Variants in ELOVL2 observed in about 807,000 individuals in gnomAD.
ELOVL2 encodes ELOVL fatty acid elongase 2, also known as very long chain fatty acid elongase 2.
In ELOVL2, 38 loss-of-function variants were observed where a neutral mutation model predicts 37.7. The ratio of observed to expected loss-of-function variants is 1.01; its 90% CI spans 0.78 to 1.32. The LOEUF (loss-of-function observed/expected upper bound fraction) is 1.32. ELOVL2 is among the 40% of genes most tolerant of loss of function. ELOVL2 has a pLI of 0.00. For missense variants in ELOVL2, 352 were observed against 363.6 expected (o/e 0.97, Z 0.26); for synonymous variants, 115 against 122.3 (o/e 0.94, Z 0.40).
rs751285613 is a variant in ELOVL2, at chr6:10,983,864, G to T, written c.808C>A (p.Pro270Thr). ...CCATTCTTCACTTCTTTCCCTGCAG[G>T]TGGCTCTTGCATATCTTTCTTCATT... The part of the protein sequence containing the change: ...KPMKKDMQEP[P>T]AGKEVKNGFS... The change falls in exon 8 of 8, where the codon CCT (proline) becomes ACT (threonine). Residue 270 changes from proline (P) to threonine (T), a missense_variant. Pro to Thr is a conservative substitution (Grantham distance 38). Coordinates refer to ENST00000354666, the MANE Select transcript of ELOVL2 (RefSeq NM_017770.4). The T allele has an allele frequency of 6.8e-6, 11 of 1,613,688 alleles. No homozygotes were observed. Among genetic ancestry groups the T allele is most frequent in the Non-Finnish European group, 9.3e-6 (11 of 1,179,882 alleles).
chr6:11,042,596 T>C (rs1484991687), intron 1 of ELOVL2, among the ~76,000 whole-genome samples: 2 of 151,870 alleles, frequency 1.3e-5, no homozygotes, highest in Non-Finnish European at 2.9e-5. Flanking sequence ...GGAGAGCCAG[T>C]TGGTCCTAAA....
chr6:11,017,498 GC>G, intron 1 of ELOVL2, among the ~76,000 whole-genome samples: 1 of 152,276 alleles, frequency 6.6e-6, no homozygotes, highest in Middle Eastern at 3.4e-3. Flanking sequence ...ATCCTAGGTA[GC>G]CCTGAGGCCA....
chr6:11,029,777 G>A (rs1330048825), intron 1 of ELOVL2, among the ~76,000 whole-genome samples: 3 of 152,220 alleles, frequency 2.0e-5, no homozygotes, highest in Non-Finnish European at 2.9e-5. Flanking sequence ...AGGTCAATTA[G>A]TTTTTGTGGG....
chr6:11,021,951 G>C (rs528656953), intron 1 of ELOVL2, among the ~76,000 whole-genome samples: 6 of 152,154 alleles, frequency 3.9e-5, no homozygotes, highest in Non-Finnish European at 5.9e-5. Flanking sequence ...TGCTGACAGG[G>C]CTGCCTCAGT....
At chr6:11,026,335 T>C (rs893273009) in intron 1 of ELOVL2, among the ~76,000 whole-genome samples, 1 of 152,208 alleles carries the variant, frequency 6.6e-6, no homozygotes, top group Non-Finnish European at 1.5e-5. Context: ...GCCAACTCAT[T>C]TGCATAGCCT....
In ELOVL2 at chr6:11,011,283, G is replaced by A. The variant is rs547625315; in HGVS notation, c.4-474C>T. Among the ~76,000 whole-genome samples the A allele has an allele frequency of 1.7e-4, 26 of 151,730 alleles. No individual in the cohort carries two copies. The East Asian group carries it at 3.9e-3, about 23-fold the overall frequency. ...CAGGAGGCTGAGGCAGAAGAATGGC[G>A]TGAACCCGAGAGGCAGAGCTTGCAG... On this transcript the variant is annotated intron_variant, in intron 1 of 7. Transcript: ENST00000354666.
chr6:10,991,168 G>A (rs1782152032), intron 5 of ELOVL2, among the ~76,000 whole-genome samples: 1 of 152,250 alleles, frequency 6.6e-6, no homozygotes, highest in South Asian at 2.1e-4. Context: ...CATGTACCAT[G>A]CTGGGTCAGC....
intron 1 of ELOVL2, among the ~76,000 whole-genome samples, chr6:11,037,658 T>G (rs1422920313): frequency 6.6e-6 from 1 of 152,100 alleles, no homozygotes; most frequent in Non-Finnish European, 1.5e-5. Context: ...CTCAAGTCAC[T>G]CAGGCCACTC....
chr6:11,001,651 C>CCCCATG (rs1782385020), intron 3 of ELOVL2, among the ~76,000 whole-genome samples: 1 of 152,158 alleles, frequency 6.6e-6, no homozygotes, highest in Non-Finnish European at 1.5e-5. Context: ...TATTCTGTTT[C>CCCCATG]CCCATGTTTC....
chr6:11,001,176 A>T (rs114761233), intron 3 of ELOVL2, among the ~76,000 whole-genome samples: 3,566 of 152,316 alleles, frequency 0.023, 129 homozygotes, highest in African/African-American at 0.08. Context: ...AGAGAGAGAG[A>T]GATTACTAAA....
chr6:11,037,451 C>A (rs771370744), intron 1 of ELOVL2, among the ~76,000 whole-genome samples: 8 of 151,428 alleles, frequency 5.3e-5, no homozygotes, highest in Non-Finnish European at 1.0e-4. Flanking sequence ...GAAATAAAAC[C>A]AAATAGTAAA....
chr6:11,009,117 A>C (rs574149201), intron 2 of ELOVL2, among the ~76,000 whole-genome samples: 2 of 152,330 alleles, frequency 1.3e-5, no homozygotes, highest in African/African-American at 4.8e-5. Context: ...CCCTGGAGAT[A>C]AATGGTGAGT....
At chr6:11,019,039 G>C (rs1782725731) in intron 1 of ELOVL2, among the ~76,000 whole-genome samples, 1 of 152,082 alleles carries the variant, frequency 6.6e-6, no homozygotes, top group Non-Finnish European at 1.5e-5. Flanking sequence ...AAAGAGGTTT[G>C]TGCCTTCTTG....
At chr6:11,010,692 A>C in intron 2 of ELOVL2, 54 bp downstream of exon 2, 1 of 1,350,198 alleles carries the variant, frequency 7.4e-7, no homozygotes, top group Non-Finnish European at 1.1e-6. Flanking sequence ...TCTATAACTA[A>C]ATGGTGTTCT....
intron 1 of ELOVL2, among the ~76,000 whole-genome samples, chr6:11,012,528 C>T (rs769002505): frequency 6.6e-6 from 1 of 152,214 alleles, no homozygotes; most frequent in African/African-American, 2.4e-5. Flanking sequence ...GCTGCACCCA[C>T]AAACAAATGT....
intron 2 of ELOVL2, among the ~76,000 whole-genome samples, chr6:11,005,971 A>G (rs1467790521): frequency 6.6e-6 from 1 of 152,186 alleles, no homozygotes; most frequent in African/African-American, 2.4e-5. Context: ...CAGTACAGTC[A>G]GGATTTGAAC....
At position 10,983,860 on chromosome 6, in the gene ELOVL2, G is replaced by A. The variant is rs777413957; in HGVS notation, c.812C>T (p.Ala271Val). Reference sequence around the variant, plus strand: ...AAAACCATTCTTCACTTCTTTCCCTGCAGGTGGCTCTTGCATATCTTTCTT... The same window carrying A: ...AAAACCATTCTTCACTTCTTTCCCTACAGGTGGCTCTTGCATATCTTTCTT... ...PMKKDMQEPP[A>V]GKEVKNGFSK... Residue 271 changes from alanine to valine, a missense_variant, in exon 8 of 8, where the codon GCA (alanine) becomes GTA (valine). By Grantham distance (64) the Ala-to-Val change is moderately conservative. Transcript: ENST00000354666. The A allele has an allele frequency of 2.2e-5, 36 of 1,613,700 alleles. No individual in the cohort carries two copies. The highest frequency in any genetic ancestry group is 3.0e-5 in the Non-Finnish European group (35 of 1,179,866).
At chr6:11,043,362 C>T (rs1036653833) in intron 1 of ELOVL2, among the ~76,000 whole-genome samples, 1 of 149,566 alleles carries the variant, frequency 6.7e-6, no homozygotes, top group South Asian at 2.2e-4. Context: ...AAGAACCAGG[C>T]TCTGCTACTA....
At chr6:10,985,459 T>C (rs1187457170) in intron 7 of ELOVL2, among the ~76,000 whole-genome samples, 1 of 98,936 alleles carries the variant, frequency 1.0e-5, no homozygotes, top group Non-Finnish European at 1.8e-5. Context: ...TGAATGGTAA[T>C]GCCTAGGTTT....
Sources: allele counts gnomAD v4.1 joint callset (sites outside exome capture counted in the v4.1 genomes callset), GRCh38; gene constraint gnomAD v4.1.1; transcripts MANE v1.5; gene names NCBI Gene and HGNC (gene_info 2026-07-23, HGNC 2026-07-21).